Variants in DMXL2 observed in about 807,000 individuals in gnomAD.
DMXL2 encodes the protein Dmx like 2, also known as dmX-like protein 2.
Under a neutral mutation model 331.1 loss-of-function variants are expected in DMXL2, and 103 were observed. That is an observed-to-expected ratio of 0.31 (90% CI 0.27 to 0.37). The LOEUF (loss-of-function observed/expected upper bound fraction) is 0.37, where lower values mean the gene tolerates loss of function less well. Among genes scored for constraint, DMXL2 ranks in the 10% least tolerant of loss-of-function variants. The probability of loss-of-function intolerance (pLI) is 1.00; values close to 1 mark genes in which losing one functional copy is unlikely to be tolerated. For synonymous variants in DMXL2, 1,281 were observed against 1,252.1 expected (o/e 1.02, Z -0.49); for missense variants, 3,171 against 3,642.9 (o/e 0.87, Z 3.33).
chr15:51,499,857 T>G lies in DMXL2; in HGVS notation c.3367A>C (p.Ile1123Leu), dbSNP rs749622472. ...ACCTTAACCAAATCATCAAGATGAA[T>G]TGTTTGTTCTAAAACCCACTCTGAT... Reference protein sequence around the residue: ...GGSEWVLEQTIHLDDLVKVGS... With the variant: ...GGSEWVLEQTLHLDDLVKVGS... The change falls in exon 18 of 44, where the codon ATT becomes CTT. Residue 1123 changes from isoleucine to leucine, a missense_variant. By Grantham distance (5) the Ile-to-Leu change is conservative. Transcript: ENST00000560891. The G allele has an allele frequency of 6.2e-7, 1 of 1,614,216 alleles. No individual in the cohort carries two copies. Among genetic ancestry groups the G allele is most frequent in the South Asian group, 1.1e-5 (1 of 91,082 alleles).
chr15:51,474,271 A>G, intron 28 of DMXL2, 73 bp downstream of exon 28: 1 of 1,454,236 alleles, frequency 6.9e-7, no homozygotes, highest in Non-Finnish European at 9.2e-7. Flanking sequence ...AAATTTCTTG[A>G]AACATTAAAA....
At chr15:51,516,080 A>G (rs1364621501) in intron 14 of DMXL2, among the ~76,000 whole-genome samples, 1 of 152,206 alleles carries the variant, frequency 6.6e-6, no homozygotes, top group Non-Finnish European at 1.5e-5. Flanking sequence ...GCAAGACACT[A>G]AAGAAAATTT....
intron 23 of DMXL2, among the ~76,000 whole-genome samples, chr15:51,483,298 A>G (rs940983281): frequency 2.0e-5 from 3 of 152,158 alleles, no homozygotes; most frequent in Admixed American, 6.5e-5. Context: ...TGGCATGCGC[A>G]CTGCTCTGGG....
At chr15:51,518,717 T>C (rs1197154375) in intron 13 of DMXL2, among the ~76,000 whole-genome samples, 2 of 152,110 alleles carry the variant, frequency 1.3e-5, no homozygotes, top group Admixed American at 6.6e-5. Flanking sequence ...GCAGCCAAGG[T>C]TGAGATCCCC....
intron 28 of DMXL2, among the ~76,000 whole-genome samples, chr15:51,471,626 A>G (rs1171008286): frequency 6.7e-6 from 1 of 149,360 alleles, no homozygotes; most frequent in Non-Finnish European, 1.5e-5. Context: ...TGTGCTCCCT[A>G]AAATAAGGAT....
At chr15:51,587,772 T>A (rs938334514) in intron 1 of DMXL2, among the ~76,000 whole-genome samples, 1 of 152,214 alleles carries the variant, frequency 6.6e-6, no homozygotes, top group Non-Finnish European at 1.5e-5. Flanking sequence ...TGAACCAGTT[T>A]ACAGTCCCAC....
chr15:51,479,817 G>T, intron 25 of DMXL2, 131 bp downstream of exon 25: 1 of 585,662 alleles, frequency 1.7e-6, no homozygotes, highest in Non-Finnish European at 2.7e-6. Context: ...TGGACTAATA[G>T]TCTTGAACTG....
At position 51,463,501 on chromosome 15, in the gene DMXL2, T is replaced by TA. The variant is rs746074258; in HGVS notation, c.7809-6dup. ...AATGCAGAAGAATCCCGGGACCTAT[T>TA]AAAAAAAATTAACATATCACACTAC... On this transcript the variant is annotated splice_region_variant and splice_polypyrimidine_tract_variant and intron_variant, in intron 32 of 43. Coordinates refer to ENST00000560891, the MANE Select transcript of DMXL2 (RefSeq NM_001378457.1). 39 of 1,514,762 alleles carry TA rather than the reference T, an allele frequency of 2.6e-5. No individual in the cohort carries two copies. The highest frequency in any genetic ancestry group is 5.0e-5 in the South Asian group (4 of 80,614). The allele number at this position is 1,514,762 out of a possible 1,614,324, so 93.8% of individuals were successfully genotyped here.
intron 29 of DMXL2, among the ~76,000 whole-genome samples, chr15:51,470,148 T>C (rs2040964686): frequency 6.6e-6 from 1 of 152,162 alleles, no homozygotes; most frequent in Admixed American, 6.5e-5. Flanking sequence ...CAAAGTCTTT[T>C]TTTTTGAGAC....
At chr15:51,526,834 C>T (rs1479136056) in intron 13 of DMXL2, among the ~76,000 whole-genome samples, 5 of 151,972 alleles carry the variant, frequency 3.3e-5, no homozygotes, top group African/African-American at 1.2e-4. Context: ...TTTGAAAACA[C>T]ACAGAGGAGA....
Position 51,486,269 on chromosome 15 carries a change from A to C in DMXL2, c.5286T>G (p.Phe1762Leu), listed in dbSNP as rs974469060. The C allele has an allele frequency of 2.5e-6, 4 of 1,612,786 alleles. No individual in the cohort carries two copies. The highest frequency in any genetic ancestry group is 1.3e-5 in the African/African-American group (1 of 74,908). The change falls in exon 23 of 44, where the codon TTT becomes TTG. Residue 1762 changes from phenylalanine (F) to leucine (L), a missense_variant. By Grantham distance (22) the Phe-to-Leu change is conservative (BLOSUM62 0). Transcript: ENST00000560891. ...TGGATATATAAGTGGATGAAGTCTCAAATTCAGATTCATATAAACGGGCAA... is the reference window on the plus strand; with the variant it reads ...TGGATATATAAGTGGATGAAGTCTCCAATTCAGATTCATATAAACGGGCAA... ...MVIARLYESEFETSSTYISIL... is the reference protein window; with the variant it reads ...MVIARLYESELETSSTYISIL...
Position 51,537,701 on chromosome 15 carries a change from T to C in DMXL2, c.1404A>G (p.Gly468=). ...AAGTTCTAGGACTTCCTTCTCTTTC[T>C]CCATCTTCATGTTCTGATGATCCTG... ...AGTGSSEHED[G]EREGSPRTYS... The change falls in exon 11 of 44, where the codon GGA becomes GGG. Residue 468 remains glycine (G), a synonymous_variant. Coordinates refer to ENST00000560891, the MANE Select transcript of DMXL2 (RefSeq NM_001378457.1). The C allele has an allele frequency of 6.2e-7, 1 of 1,613,886 alleles. No homozygotes were observed.
At chr15:51,558,989 A>T (rs1278456543) in intron 6 of DMXL2, among the ~76,000 whole-genome samples, 1 of 152,218 alleles carries the variant, frequency 6.6e-6, no homozygotes, top group Middle Eastern at 3.2e-3. Flanking sequence ...TACTACGAGG[A>T]AAGTTATTAT....
chr15:51,604,732 G>T (rs892634984), intron 1 of DMXL2, among the ~76,000 whole-genome samples: 2 of 152,004 alleles, frequency 1.3e-5, no homozygotes, highest in African/African-American at 4.8e-5. Context: ...TGTAGCTATG[G>T]ACAAACTGAT....
chr15:51,571,058 A>T (rs558882467), intron 2 of DMXL2, among the ~76,000 whole-genome samples: 1 of 152,210 alleles, frequency 6.6e-6, no homozygotes, highest in African/African-American at 2.4e-5. Context: ...ATGCAGACAC[A>T]CATACAGGCT....
chr15:51,495,017 G>C lies in DMXL2; in HGVS notation c.4783+7C>G. 6.2e-7 allele frequency: 1 copy of C among 1,602,198 alleles called. No individual in the cohort carries two copies. Among genetic ancestry groups the C allele is most frequent in the Non-Finnish European group, 8.5e-7 (1 of 1,169,926 alleles). On this transcript the variant is annotated splice_region_variant and intron_variant, in intron 19 of 43. Coordinates refer to ENST00000560891, the MANE Select transcript of DMXL2 (RefSeq NM_001378457.1). Reference sequence around the variant, plus strand: ...TTGTGCAAAGCTTCAAACAGTGAGTGAATTACCTTGATGAAGTAGCTGCAC... The same window carrying C: ...TTGTGCAAAGCTTCAAACAGTGAGTCAATTACCTTGATGAAGTAGCTGCAC...
intron 13 of DMXL2, among the ~76,000 whole-genome samples, chr15:51,525,221 G>C (rs1044512561): frequency 1.3e-5 from 2 of 151,848 alleles, no homozygotes; most frequent in Non-Finnish European, 2.9e-5. Flanking sequence ...AGAGCCTCTG[G>C]GCCCTGAATA....
intron 28 of DMXL2, among the ~76,000 whole-genome samples, chr15:51,473,505 T>C (rs2041306338): frequency 1.3e-5 from 2 of 152,200 alleles, no homozygotes; most frequent in Admixed American, 1.3e-4. Context: ...ATGGAAGCAG[T>C]GGGAGTTGAT....
chr15:51,611,446 A>G (rs1222879932), intron 1 of DMXL2, among the ~76,000 whole-genome samples: 1 of 152,276 alleles, frequency 6.6e-6, no homozygotes, highest in African/African-American at 2.4e-5. Flanking sequence ...CAGTAATAAT[A>G]TGAGCTTCCT....
Sources: allele counts gnomAD v4.1 joint callset (sites outside exome capture counted in the v4.1 genomes callset), GRCh38; gene constraint gnomAD v4.1.1; transcripts MANE v1.5; gene names NCBI Gene and HGNC (gene_info 2026-07-23, HGNC 2026-07-21).